HPGDS: variants seen among roughly 807,000 people sequenced by gnomAD.
HPGDS encodes the protein GST class-sigma.
HPGDS carries 26 observed loss-of-function variants against 23.1 expected under a neutral mutation model. The ratio of observed to expected loss-of-function variants is 1.13; its 90% CI spans 0.83 to 1.56. The LOEUF is 1.56. Among genes scored for constraint, HPGDS ranks in the 40% most tolerant of loss-of-function variants. The pLI is 0.00. For synonymous variants in HPGDS, 95 were observed against 77.9 expected (o/e 1.22, Z -1.16); for missense variants, 268 against 236.4 (o/e 1.13, Z -0.88).
At chr4:94,340,870 A>C (rs1278457082) in intron 1 of HPGDS, among the ~76,000 whole-genome samples, 2 of 83,466 alleles carry the variant, frequency 2.4e-5, no homozygotes, top group Non-Finnish European at 4.4e-5. Context: ...TTTGAGACGG[A>C]GTCTTGCTCT....
intron 2 of HPGDS, among the ~76,000 whole-genome samples, chr4:94,329,812 G>GA (rs950663718): frequency 3.2e-4 from 49 of 152,262 alleles, no homozygotes; most frequent in African/African-American, 9.4e-4. Context: ...TTTGATTCCA[G>GA]AAAAAATAAT....
chr4:94,319,891 C>A (rs1411822748), intron 2 of HPGDS, among the ~76,000 whole-genome samples: 6 of 152,160 alleles, frequency 3.9e-5, no homozygotes, highest in Admixed American at 3.9e-4. Context: ...AGGTATATCT[C>A]CTAATACTAT....
At chr4:94,307,715 G>A (rs1756165045) in intron 4 of HPGDS, among the ~76,000 whole-genome samples, 1 of 152,124 alleles carries the variant, frequency 6.6e-6, no homozygotes, top group Non-Finnish European at 1.5e-5. Flanking sequence ...TGACCTTGTG[G>A]AAAATCGTAT....
At chr4:94,313,136 C>T (rs1321173507) in intron 3 of HPGDS, among the ~76,000 whole-genome samples, 2 of 152,152 alleles carry the variant, frequency 1.3e-5, no homozygotes, top group Non-Finnish European at 2.9e-5. Flanking sequence ...AGGCCATTTA[C>T]ATTTAAGGTT....
At chr4:94,313,066 A>T (rs1321770901) in intron 3 of HPGDS, among the ~76,000 whole-genome samples, 2 of 152,122 alleles carry the variant, frequency 1.3e-5, no homozygotes, top group Non-Finnish European at 2.9e-5. Context: ...AATACAGCAC[A>T]CTGATGGGTC....
In HPGDS at chr4:94,318,988, C is replaced by T. The variant is rs962492042; in HGVS notation, c.134-1023G>A. On this transcript the variant is annotated intron_variant, in intron 2 of 5. Coordinates refer to ENST00000295256, the MANE Select transcript of HPGDS (RefSeq NM_014485.3). ...TCAGCCTCCCAAAGTGCTAGGATTA[C>T]AGGCATGAGCAACCACGCCTGGCCT... is the stretch of plus-strand genomic sequence containing the variant. Among the ~76,000 whole-genome samples, 8 of 152,330 alleles carry T rather than the reference C, an allele frequency of 5.3e-5. No individual in the cohort carries two copies. The South Asian group carries it at 1.7e-3, about 32-fold the overall frequency.
chr4:94,325,190 G>A (rs991010186), intron 2 of HPGDS, among the ~76,000 whole-genome samples: 5 of 152,222 alleles, frequency 3.3e-5, no homozygotes, highest in Non-Finnish European at 5.9e-5. Flanking sequence ...TGAGGTGTCA[G>A]TCAGCCCCTA....
Position 94,299,497 on chromosome 4 carries a change from G to A in HPGDS, c.583C>T (p.Pro195Ser), listed in dbSNP as rs1202415444. The change falls in exon 6 of 6, where the codon CCC (proline) becomes TCC (serine). Residue 195 changes from proline (P) to serine (S), a missense_variant. Pro to Ser is a moderately conservative substitution (Grantham distance 74). Coordinates refer to ENST00000295256, the MANE Select transcript of HPGDS (RefSeq NM_014485.3). ...TGGATCAGCTAGAGTTTGGTTTGGGGCCTTCGTTTTATCCAGTTAGCGACG... is the reference window on the plus strand; with the variant it reads ...TGGATCAGCTAGAGTTTGGTTTGGGACCTTCGTTTTATCCAGTTAGCGACG... ...PAVANWIKRR[P>S]QTKL The A allele has an allele frequency of 1.9e-6, 3 of 1,612,502 alleles. No individual in the cohort carries two copies. Among genetic ancestry groups the A allele is most frequent in the South Asian group, 1.1e-5 (1 of 90,902 alleles).
At chr4:94,317,304 CA>C (rs1756416878) in intron 3 of HPGDS, among the ~76,000 whole-genome samples, 1 of 152,108 alleles carries the variant, frequency 6.6e-6, no homozygotes, top group African/African-American at 2.4e-5. Flanking sequence ...GAAAGTGTGT[CA>C]GGTAAAAACA....
intron 4 of HPGDS, 113 bp downstream of exon 4, chr4:94,308,521 A>G (rs973628842): frequency 1.1e-5 from 6 of 528,812 alleles, no homozygotes; most frequent in African/African-American, 9.7e-5. Context: ...ATAATTTGGT[A>G]TTTTAAAATT....
In HPGDS at chr4:94,308,646, C is replaced by A; in HGVS notation, c.324G>T (p.Lys108Asn). 1 of 1,584,488 alleles carries A rather than the reference C, an allele frequency of 6.3e-7. No homozygotes were observed. The highest frequency in any genetic ancestry group is 8.7e-7 in the Non-Finnish European group (1 of 1,155,398). The stretch of plus-strand genomic sequence containing the variant: ...TGGATCACATTACTTTCACATCTTG[C>A]TTTTTCTCTGCCCAAGGAAAACATG... ...FMSCFPWAEK[K>N]QDVKEQMFNE... Residue 108 changes from lysine to asparagine, a missense_variant, in exon 4 of 6, where the codon AAG (lysine) becomes AAT (asparagine). Physicochemically the swap from Lys to Asn is moderately conservative, Grantham distance 94 (BLOSUM62 0). Transcript: ENST00000295256.
intron 3 of HPGDS, among the ~76,000 whole-genome samples, chr4:94,308,991 C>G (rs1045333031): frequency 1.4e-5 from 2 of 143,576 alleles, no homozygotes; most frequent in Non-Finnish European, 3.0e-5. Flanking sequence ...ACTAGATATG[C>G]TTCCTCATCC....
At chr4:94,310,933 T>C (rs1756254727) in intron 3 of HPGDS, among the ~76,000 whole-genome samples, 1 of 152,170 alleles carries the variant, frequency 6.6e-6, no homozygotes, top group Non-Finnish European at 1.5e-5. Context: ...TTTGGCTCTC[T>C]GTTTGTCTGT....
chr4:94,307,744 T>A (rs1479794173), intron 4 of HPGDS, among the ~76,000 whole-genome samples: 1 of 152,152 alleles, frequency 6.6e-6, no homozygotes, highest in Non-Finnish European at 1.5e-5. Flanking sequence ...TATTGGATAC[T>A]GTGGAAAGTC....
At chr4:94,315,956 A>G (rs1756388848) in intron 3 of HPGDS, among the ~76,000 whole-genome samples, 1 of 152,104 alleles carries the variant, frequency 6.6e-6, no homozygotes, top group South Asian at 2.1e-4. Flanking sequence ...TATATCTCTG[A>G]TTACTCTTTT....
chr4:94,307,970 G>A (rs1484909396), intron 4 of HPGDS, among the ~76,000 whole-genome samples: 1 of 152,080 alleles, frequency 6.6e-6, no homozygotes, highest in African/African-American at 2.4e-5. Context: ...GAGAAAAATT[G>A]TTATTTCAGG....
At chr4:94,323,217 T>G (rs1469649326) in intron 2 of HPGDS, among the ~76,000 whole-genome samples, 1 of 152,208 alleles carries the variant, frequency 6.6e-6, no homozygotes, top group Non-Finnish European at 1.5e-5. Context: ...TGTGGTGTGG[T>G]GCTGAGAAGA....
chr4:94,314,653 T>G (rs115151292), intron 3 of HPGDS, among the ~76,000 whole-genome samples: 1 of 152,178 alleles, frequency 6.6e-6, no homozygotes, highest in Non-Finnish European at 1.5e-5. Flanking sequence ...TAAACCACTA[T>G]GGTCTCCCAA....
rs143378969 is a variant in HPGDS, at chr4:94,302,174, C to A, written c.407G>T (p.Gly136Val). The A allele has an allele frequency of 6.8e-6, 11 of 1,611,968 alleles. No homozygotes were observed. Among genetic ancestry groups the A allele is most frequent in the Non-Finnish European group, 8.5e-6 (10 of 1,178,472 alleles). Reference protein sequence around the residue: ...HLMQDLDTYLGGREWLIGNSV... With the variant: ...HLMQDLDTYLVGREWLIGNSV... ...GTTACCAATAAGCCATTCTCTCCCC[C>A]CTAAATATGTGTCCAAGTCTTGCAT... The change falls in exon 5 of 6, where the codon GGG becomes GTG. Residue 136 changes from glycine (G) to valine (V), a missense_variant. By Grantham distance (109) the Gly-to-Val change is moderately radical. Transcript: ENST00000295256.
Sources: gnomAD v4.1 joint callset for allele counts (sites outside exome capture counted in the v4.1 genomes callset) on GRCh38, gnomAD v4.1.1 for gene constraint, MANE v1.5 for transcripts, NCBI Gene and HGNC (gene_info 2026-07-23, HGNC 2026-07-21) for gene names.